The following KCNB2 variants were observed in gnomAD, a reference collection of about 807,000 sequenced individuals.
The protein encoded by KCNB2 is delayed rectifier potassium channel protein.
KCNB2 carries 15 observed loss-of-function variants against 61.5 expected under a neutral mutation model. The observed-to-expected ratio is 0.24, with a 90% CI of 0.16 to 0.38. KCNB2 has a LOEUF of 0.38. Ranked by LOEUF, KCNB2 falls within the 10% of genes least tolerant of loss-of-function variation. The probability of loss-of-function intolerance (pLI) is 1.00; values close to 1 mark genes in which losing one functional copy is unlikely to be tolerated. For missense variants in KCNB2, 828 were observed against 1,125.2 expected (o/e 0.74, Z 3.78); for synonymous variants, 457 against 446.0 (o/e 1.02, Z -0.31).
At chr8:72,605,571 GTCTT>G (rs1805432535) in intron 2 of KCNB2, among the ~76,000 whole-genome samples, 1 of 152,166 alleles carries the variant, frequency 6.6e-6, no homozygotes, top group African/African-American at 2.4e-5. Flanking sequence ...GGAAAGGAAA[GTCTT>G]TCAACAGTTA....
At chr8:72,806,666 T>C (rs1045342752) in intron 2 of KCNB2, among the ~76,000 whole-genome samples, 2 of 152,130 alleles carry the variant, frequency 1.3e-5, no homozygotes, top group Non-Finnish European at 2.9e-5. Context: ...AATAAAATCC[T>C]TAATAGAAAA....
At chr8:72,743,492 G>T (rs2128994798) in intron 2 of KCNB2, among the ~76,000 whole-genome samples, 1 of 152,272 alleles carries the variant, frequency 6.6e-6, no homozygotes, top group African/African-American at 2.4e-5. Flanking sequence ...CACATTCTTT[G>T]TTTCAAAAGA....
intron 2 of KCNB2, among the ~76,000 whole-genome samples, chr8:72,672,371 G>T (rs973821759): frequency 6.6e-6 from 1 of 152,078 alleles, no homozygotes; most frequent in Non-Finnish European, 1.5e-5. Context: ...TTCCACTACA[G>T]TTGCAGCAAA....
intron 2 of KCNB2, among the ~76,000 whole-genome samples, chr8:72,820,316 T>C (rs1809475405): frequency 6.6e-6 from 1 of 152,226 alleles, no homozygotes; most frequent in South Asian, 2.1e-4. Flanking sequence ...AAATAAATGA[T>C]ATCCCTTGAA....
At position 72,728,329 on chromosome 8, in the gene KCNB2, C is replaced by A. The variant is rs1461697481; in HGVS notation, c.579+160016C>A. On this transcript the variant is annotated intron_variant, in intron 2 of 2. Coordinates refer to ENST00000523207, the MANE Select transcript of KCNB2 (RefSeq NM_004770.3). ...TTAGGTATGGCACTCAGTTATTCCT[C>A]ACAGAGAAGCTGATCAAGAAATGTC... Among the ~76,000 whole-genome samples the A allele has an allele frequency of 2.6e-5, 4 of 152,174 alleles. No individual in the cohort carries two copies. The East Asian group carries it at 7.7e-4, about 29-fold the overall frequency.
intron 2 of KCNB2, among the ~76,000 whole-genome samples, chr8:72,802,107 T>C (rs1268885862): frequency 7.2e-5 from 11 of 152,230 alleles, no homozygotes; most frequent in Admixed American, 7.2e-4. Flanking sequence ...GTTTCAGAAC[T>C]TGACTTGCTT....
Position 72,924,838 on chromosome 8 carries a change from T to C in KCNB2, c.580-11097T>C, listed in dbSNP as rs140082605. Among the ~76,000 whole-genome samples the C allele has an allele frequency of 2.4e-4, 37 of 152,228 alleles. No homozygotes were observed. In the East Asian group the frequency reaches 7.1e-3, roughly 29 times the overall value. On this transcript the variant is annotated intron_variant, in intron 2 of 2. Coordinates refer to ENST00000523207, the MANE Select transcript of KCNB2 (RefSeq NM_004770.3). ...CACCTGTCATGCTTGCAACGGAAGATTCAGTGAGACACTACTGTTCATAGG... is the reference window on the plus strand; with the variant it reads ...CACCTGTCATGCTTGCAACGGAAGACTCAGTGAGACACTACTGTTCATAGG...
At chr8:72,748,750 T>A (rs1348017348) in intron 2 of KCNB2, among the ~76,000 whole-genome samples, 3 of 152,030 alleles carry the variant, frequency 2.0e-5, no homozygotes, top group Non-Finnish European at 4.4e-5. Flanking sequence ...ACAACAATAT[T>A]ATATACTTAT....
chr8:72,779,663 C>G (rs549136869), intron 2 of KCNB2, among the ~76,000 whole-genome samples: 1 of 152,238 alleles, frequency 6.6e-6, no homozygotes, highest in South Asian at 2.1e-4. Context: ...TACCGTCTGG[C>G]TAGAGCTCTT....
At chr8:72,588,191 G>A (rs192602139) in intron 2 of KCNB2, among the ~76,000 whole-genome samples, 2 of 150,562 alleles carry the variant, frequency 1.3e-5, no homozygotes, top group Admixed American at 6.6e-5. Context: ...CCAGTCTGAG[G>A]ATTCTGAGTC....
intron 1 of KCNB2, among the ~76,000 whole-genome samples, chr8:72,548,143 A>G (rs528750473): frequency 1.3e-5 from 2 of 152,334 alleles, no homozygotes; most frequent in East Asian, 1.9e-4. Flanking sequence ...ATAATATAAA[A>G]TACTACAGTA....
chr8:72,937,139 T>A lies in KCNB2; in HGVS notation c.1784T>A (p.Val595Glu). 6.2e-7 allele frequency: 1 copy of A among 1,614,134 alleles called. No homozygotes were observed. The highest frequency in any genetic ancestry group is 8.5e-7 in the Non-Finnish European group (1 of 1,180,018). ...GCCGTGGCACAGACCGAGGTCATTG[T>A]GGACATGAAGAGCACCTCCAGCATC... ...QLAVAQTEVI[V>E]DMKSTSSIDS... Residue 595 changes from valine (V) to glutamate (E), a missense_variant, in exon 3 of 3, where the codon GTG becomes GAG. This residue lies in a region of KCNB2 where 559 missense variants were observed against 588.4 expected (regional missense o/e 0.95). Coordinates refer to ENST00000523207, the MANE Select transcript of KCNB2 (RefSeq NM_004770.3).
chr8:72,553,166 A>AT (rs757496684), intron 1 of KCNB2, among the ~76,000 whole-genome samples: 2 of 152,192 alleles, frequency 1.3e-5, no homozygotes, highest in African/African-American at 2.4e-5. Context: ...TGTTTCATAC[A>AT]TTTTGGATAT....
intron 2 of KCNB2, among the ~76,000 whole-genome samples, chr8:72,648,984 T>TG (rs1585806194): frequency 1.3e-5 from 2 of 152,142 alleles, no homozygotes; most frequent in East Asian, 3.8e-4. Flanking sequence ...TTTTTTTTCT[T>TG]GGATTGCATA....
chr8:72,810,648 C>T (rs1342682458), intron 2 of KCNB2, among the ~76,000 whole-genome samples: 2 of 152,194 alleles, frequency 1.3e-5, no homozygotes, highest in African/African-American at 4.8e-5. Context: ...TAGAGGAGGA[C>T]AGACTTATGT....
intron 2 of KCNB2, among the ~76,000 whole-genome samples, chr8:72,845,390 G>A (rs1426177386): frequency 6.6e-6 from 1 of 152,230 alleles, no homozygotes; most frequent in Non-Finnish European, 1.5e-5. Context: ...GCTGGGAGGT[G>A]TCTCTCAGTC....
intron 2 of KCNB2, among the ~76,000 whole-genome samples, chr8:72,588,397 A>G (rs1419784195): frequency 6.6e-6 from 1 of 151,654 alleles, no homozygotes; most frequent in Non-Finnish European, 1.5e-5. Flanking sequence ...TTGTATTTTT[A>G]GTAGAGACGG....
intron 2 of KCNB2, among the ~76,000 whole-genome samples, chr8:72,841,371 T>G (rs1172938905): frequency 1.2e-3 from 50 of 43,256 alleles, no homozygotes; most frequent in African/African-American, 5.9e-3. Context: ...CTTTTTTTTT[T>G]CTTTTTTTTT....
At chr8:72,843,824 G>A (rs1424911820) in intron 2 of KCNB2, among the ~76,000 whole-genome samples, 2 of 152,074 alleles carry the variant, frequency 1.3e-5, no homozygotes, top group Admixed American at 6.6e-5. Context: ...TTGAGCCTAT[G>A]TATGTCTTTG....
Sources: gnomAD v4.1 joint callset for allele counts (sites outside exome capture counted in the v4.1 genomes callset) on GRCh38, gnomAD v4.1.1 for gene constraint, gnomAD v4.1.1 regional missense constraint, MANE v1.5 for transcripts, NCBI Gene and HGNC (gene_info 2026-07-23, HGNC 2026-07-21) for gene names.